Variants in PCNX1 observed in about 807,000 individuals in gnomAD.
PCNX1 encodes pecanex 1.
In PCNX1, 78 loss-of-function variants were observed where a neutral mutation model predicts 242.2. The observed-to-expected ratio is 0.32, with a 90% CI of 0.27 to 0.39. The LOEUF is 0.39. Ranked by LOEUF, PCNX1 falls within the 10% of genes least tolerant of loss-of-function variation. PCNX1 has a pLI of 1.00. For synonymous variants in PCNX1, 1,024 were observed against 1,032.9 expected (o/e 0.99, Z 0.17); for missense variants, 2,581 against 2,856.5 (o/e 0.90, Z 2.20).
intron 26 of PCNX1, among the ~76,000 whole-genome samples, chr14:71,068,844 G>C (rs2061521901): frequency 6.6e-6 from 1 of 151,242 alleles, no homozygotes; most frequent in Non-Finnish European, 1.5e-5. Context: ...TAAAAAATAA[G>C]TATAGTTTAA....
chr14:71,005,187 CTT>C (rs1392013944), intron 8 of PCNX1, among the ~76,000 whole-genome samples: 1 of 152,124 alleles, frequency 6.6e-6, no homozygotes, highest in Admixed American at 6.6e-5. Context: ...ATATAGGTAA[CTT>C]TAGAAAAATG....
intron 28 of PCNX1, among the ~76,000 whole-genome samples, chr14:71,087,706 A>G (rs946741225): frequency 3.3e-5 from 5 of 152,162 alleles, no homozygotes; most frequent in Admixed American, 6.5e-5. Context: ...GGTAACTGAG[A>G]TGCTACCAAG....
chr14:71,046,852 AAC>A, intron 20 of PCNX1, 110 bp from the exon 21 acceptor site: 1 of 754,776 alleles, frequency 1.3e-6, no homozygotes, highest in Middle Eastern at 4.1e-4. Context: ...GCTTTTTAAA[AAC>A]AGTTTATTTG....
chr14:70,919,706 TGC>T (rs1376654618), intron 1 of PCNX1, among the ~76,000 whole-genome samples: 6 of 35,814 alleles, frequency 1.7e-4, no homozygotes, highest in African/African-American at 5.5e-4. Flanking sequence ...CTGGTTTCTC[TGC>T]TCCCCCCCCC....
rs779209495 is a variant in PCNX1, at chr14:71,103,358, G to T, written c.5821-37G>T. On this transcript the variant is annotated intron_variant, in intron 31 of 35. Coordinates refer to ENST00000304743, the MANE Select transcript of PCNX1 (RefSeq NM_014982.3). The stretch of plus-strand genomic sequence containing the variant: ...TCTGTTTCTGTGAATTTTATTCTTG[G>T]CCCCTTAACCTAATTCCCTTGTGTT... 8.1e-6 allele frequency: 13 copies of T among 1,598,610 alleles called. 1 individual carries two copies. The South Asian group carries it at 1.4e-4, about 18-fold the overall frequency.
At chr14:71,008,724 A>G (rs1417640313) in intron 8 of PCNX1, among the ~76,000 whole-genome samples, 1 of 151,766 alleles carries the variant, frequency 6.6e-6, no homozygotes, top group Non-Finnish European at 1.5e-5. Context: ...GCTAATAAAA[A>G]CCTCATAAAT....
At position 71,002,435 on chromosome 14, in the gene PCNX1, G is replaced by C. The variant is rs56370042; in HGVS notation, c.2629+6510G>C. Among the ~76,000 whole-genome samples the C allele has an allele frequency of 8.6e-3, 1,307 of 152,280 alleles. 25 individuals are homozygous for C. The highest frequency in any genetic ancestry group is 0.03 in the African/African-American group (1,232 of 41,538). On this transcript the variant is annotated intron_variant, in intron 8 of 35. Transcript: ENST00000304743. ...GTATACAATTCAAGGAGTTTTAACAGATGTGTATACCCGTCAGATACCTTA... is the reference window on the plus strand; with the variant it reads ...GTATACAATTCAAGGAGTTTTAACACATGTGTATACCCGTCAGATACCTTA...
chr14:70,941,259 GT>G (rs1294320729), intron 1 of PCNX1, among the ~76,000 whole-genome samples: 2 of 152,148 alleles, frequency 1.3e-5, no homozygotes, highest in Admixed American at 6.5e-5. Context: ...CATCTTTGTG[GT>G]TTTATCTACC....
At chr14:71,003,356 G>T (rs576561108) in intron 8 of PCNX1, among the ~76,000 whole-genome samples, 2 of 152,182 alleles carry the variant, frequency 1.3e-5, no homozygotes, top group South Asian at 2.1e-4. Context: ...CCCCCAAAGC[G>T]CTGGGATTAC....
At chr14:71,018,690 T>C (rs2140712814) in intron 11 of PCNX1, among the ~76,000 whole-genome samples, 1 of 152,314 alleles carries the variant, frequency 6.6e-6, no homozygotes, top group Admixed American at 6.5e-5. Flanking sequence ...CCAAGTTGGT[T>C]AACTATTTTG....
At chr14:71,070,500 A>G (rs569226285) in intron 26 of PCNX1, among the ~76,000 whole-genome samples, 15 of 152,224 alleles carry the variant, frequency 9.9e-5, no homozygotes, top group South Asian at 4.1e-4. Flanking sequence ...CTTGATGTAC[A>G]GACTGCAGAA....
chr14:71,050,747 T>A lies in PCNX1; in HGVS notation c.4434T>A (p.Pro1478=), dbSNP rs1395853925. The stretch of plus-strand genomic sequence containing the variant: ...CTGCTTTCCATGCTTTTGCTCAGCC[T>A]TTTGCAGTGCCTCGTATCCTTCTAA... ...WGSAFHAFAQ[P]FAVPHSAMLF... The change falls in exon 23 of 36, where the codon CCT becomes CCA. Residue 1478 remains proline (P), a synonymous_variant. Coordinates refer to ENST00000304743, the MANE Select transcript of PCNX1 (RefSeq NM_014982.3). 6.2e-7 allele frequency: 1 copy of A among 1,613,254 alleles called. No homozygotes were observed. Among genetic ancestry groups the A allele is most frequent in the African/African-American group, 1.3e-5 (1 of 74,932 alleles).
chr14:71,032,966 C>A (rs2060431034), intron 16 of PCNX1, among the ~76,000 whole-genome samples: 1 of 152,208 alleles, frequency 6.6e-6, no homozygotes, highest in South Asian at 2.1e-4. Context: ...TGGGCAAAGG[C>A]ATCAAGAAAG....
intron 25 of PCNX1, among the ~76,000 whole-genome samples, chr14:71,056,606 C>T (rs924245241): frequency 1.3e-5 from 2 of 152,058 alleles, no homozygotes; most frequent in Non-Finnish European, 2.9e-5. Flanking sequence ...TACAGATTAT[C>T]GCTTTGCATG....
At position 70,949,332 on chromosome 14, in the gene PCNX1, C is replaced by A. The variant is rs74566361; in HGVS notation, c.362+2209C>A. ...GTGTGTAGATACACACGTGTATACA[C>A]GCACGTGCATACACGCACGTGCATA... On this transcript the variant is annotated intron_variant, in intron 2 of 35. Transcript: ENST00000304743. Among the ~76,000 whole-genome samples, 16 of 147,724 alleles carry A rather than the reference C, an allele frequency of 1.1e-4. No homozygotes were observed. In the South Asian group the frequency reaches 3.4e-3, roughly 31 times the overall value.
At chr14:70,935,993 A>G (rs1009471968) in intron 1 of PCNX1, among the ~76,000 whole-genome samples, 2 of 152,174 alleles carry the variant, frequency 1.3e-5, no homozygotes, top group African/African-American at 2.4e-5. Context: ...ATGTGTTTAT[A>G]TGTATCAAAG....
Position 71,045,270 on chromosome 14 carries a change from G to T in PCNX1, c.4005G>T (p.Gln1335His). ...HPLLKTLEYN[Q>H]YEVRNAATMM... ...TGCTAAAGACACTAGAGTATAATCA[G>T]TATGAAGTTCGAAGTAAGTATTTCA... is the stretch of plus-strand genomic sequence containing the variant. The change falls in exon 20 of 36, where the codon CAG becomes CAT. Residue 1335 changes from glutamine (Q) to histidine (H), a missense_variant. Gln to His is a conservative substitution (Grantham distance 24, BLOSUM62 0). This residue lies in a region of PCNX1 where 432 missense variants were observed against 443.1 expected (regional missense o/e 0.97). Coordinates refer to ENST00000304743, the MANE Select transcript of PCNX1 (RefSeq NM_014982.3). 6.2e-7 allele frequency: 1 copy of T among 1,601,290 alleles called. No individual in the cohort carries two copies. The highest frequency in any genetic ancestry group is 1.7e-4 in the Middle Eastern group (1 of 6,010).
intron 1 of PCNX1, among the ~76,000 whole-genome samples, chr14:70,946,407 A>G (rs2057458879): frequency 6.6e-6 from 1 of 152,180 alleles, no homozygotes; most frequent in African/African-American, 2.4e-5. Flanking sequence ...TTCTTCACAT[A>G]TACTGTAATG....
At position 70,946,433 on chromosome 14, in the gene PCNX1, C is replaced by T. The variant is rs142036733; in HGVS notation, c.154-482C>T. On this transcript the variant is annotated intron_variant, in intron 1 of 35. Coordinates refer to ENST00000304743, the MANE Select transcript of PCNX1 (RefSeq NM_014982.3). ...TACTGTAATGTGATACCTTTGTTCTCCAATTGTATGATAAGGCTTTTGGCA... is the reference window on the plus strand; with the variant it reads ...TACTGTAATGTGATACCTTTGTTCTTCAATTGTATGATAAGGCTTTTGGCA... Among the ~76,000 whole-genome samples the T allele has an allele frequency of 5.0e-3, 757 of 152,314 alleles. 1 individual carries two copies. The highest frequency in any genetic ancestry group is 8.7e-3 in the Non-Finnish European group (594 of 68,032).
Sources: gnomAD v4.1 joint callset for allele counts (sites outside exome capture counted in the v4.1 genomes callset) on GRCh38, gnomAD v4.1.1 for gene constraint, gnomAD v4.1.1 regional missense constraint, MANE v1.5 for transcripts, NCBI Gene and HGNC (gene_info 2026-07-23, HGNC 2026-07-21) for gene names.